MYO9B: variants seen among roughly 807,000 people sequenced by gnomAD.
MYO9B encodes myosin IXB, also known as unconventional myosin-IXb.
MYO9B carries 71 observed loss-of-function variants against 229.5 expected under a neutral mutation model. That is an observed-to-expected ratio of 0.31 (90% confidence interval 0.26 to 0.38). The LOEUF (loss-of-function observed/expected upper bound fraction) is 0.38, where lower values mean the gene tolerates loss of function less well. Ranked by LOEUF, MYO9B falls within the 10% of genes least tolerant of loss-of-function variation. MYO9B has a pLI of 1.00. For synonymous variants in MYO9B, 1,185 were observed against 1,235.8 expected, an observed-to-expected ratio of 0.96 and a Z score of 0.86; for missense variants, 2,255 against 2,920.5, an observed-to-expected ratio of 0.77 and a Z score of 5.25.
chr19:17,109,108 C>T (rs1260654875), intron 2 of MYO9B, among the ~76,000 whole-genome samples: 6 of 150,596 alleles, frequency 4.0e-5, no homozygotes, highest in South Asian at 2.1e-4. Flanking sequence ...TCTCTGTCTC[C>T]GGGCTGGAGT....
At chr19:17,203,039 G>T in intron 29 of MYO9B, 108 bp from the exon 30 acceptor site, 1 of 1,357,534 alleles carries the variant, frequency 7.4e-7, no homozygotes, top group South Asian at 1.3e-5. Flanking sequence ...ATACGGAGCC[G>T]TAGTCTTGAA....
intron 2 of MYO9B, among the ~76,000 whole-genome samples, chr19:17,115,899 A>G (rs2057898477): frequency 6.6e-6 from 1 of 151,878 alleles, no homozygotes; most frequent in African/African-American, 2.4e-5. Flanking sequence ...CCATAGACAT[A>G]CATACGTATT....
intron 4 of MYO9B, among the ~76,000 whole-genome samples, chr19:17,153,216 C>T (rs1027621382): frequency 4.0e-5 from 6 of 151,256 alleles, no homozygotes; most frequent in Non-Finnish European, 5.9e-5. Flanking sequence ...CAGAGTCTTG[C>T]TCTGTCACCC....
intron 1 of MYO9B, among the ~76,000 whole-genome samples, chr19:17,100,814 G>T (rs113540019): frequency 6.6e-6 from 1 of 151,984 alleles, no homozygotes; most frequent in Non-Finnish European, 1.5e-5. Flanking sequence ...TGCATTTTTC[G>T]TGGCTCTCCC....
intron 3 of MYO9B, among the ~76,000 whole-genome samples, chr19:17,146,205 G>C (rs62127942): frequency 5.1e-4 from 73 of 142,652 alleles, no homozygotes; most frequent in African/African-American, 1.7e-3. Flanking sequence ...ATGGATGGAT[G>C]GATGGATCGA....
In MYO9B at chr19:17,212,528, AC is replaced by A; in HGVS notation, c.*220del. 2.0e-6 allele frequency: 1 copy of A among 488,886 alleles called. No individual in the cohort carries two copies. The highest frequency in any genetic ancestry group is 3.5e-6 in the Non-Finnish European group (1 of 281,802). The allele number at this position is 488,886 out of a possible 1,614,324, so 30.3% of individuals were successfully genotyped here. Reference sequence around the variant, plus strand: ...CACGCAGCCCCCAAATCATGGACGCACCTGTGGGGAGCACCACATCTCCACC... The same window carrying A: ...CACGCAGCCCCCAAATCATGGACGCACTGTGGGGAGCACCACATCTCCACC... On this transcript the variant is annotated 3_prime_UTR_variant, in exon 40 of 40. Coordinates refer to ENST00000682292, the MANE Select transcript of MYO9B (RefSeq NM_004145.4). This position sits in a 1 kb window ranked among gnomAD's most constrained non-coding sequence, Gnocchi z 5.4.
At chr19:17,205,003 T>C (rs896322863) in intron 30 of MYO9B, among the ~76,000 whole-genome samples, 3 of 151,350 alleles carry the variant, frequency 2.0e-5, no homozygotes, top group African/African-American at 4.9e-5. Flanking sequence ...AATACAAAAT[T>C]AGCCAGGCGT....
At chr19:17,206,191 A>C (rs1394553082) in intron 32 of MYO9B, 39 bp downstream of exon 32, 4 of 1,604,894 alleles carry the variant, frequency 2.5e-6, no homozygotes, top group Non-Finnish European at 3.4e-6. Context: ...GCCAGGCCCC[A>C]GGCACAGCCG....
intron 14 of MYO9B, 22 bp from the exon 15 acceptor site, chr19:17,180,905 C>G: frequency 1.3e-6 from 2 of 1,521,716 alleles, no homozygotes; most frequent in South Asian, 1.2e-5. Context: ...TGTCACTGCG[C>G]CCCCTCCACC....
intron 3 of MYO9B, among the ~76,000 whole-genome samples, chr19:17,152,304 G>A (rs1257050514): frequency 1.3e-5 from 2 of 151,934 alleles, no homozygotes; most frequent in African/African-American, 4.8e-5. Flanking sequence ...CTGTAATCCC[G>A]CACTTTGGGA....
At chr19:17,091,236 G>GTT (rs35521333) in intron 1 of MYO9B, among the ~76,000 whole-genome samples, 6 of 152,020 alleles carry the variant, frequency 3.9e-5, no homozygotes, top group Non-Finnish European at 7.4e-5. Context: ...TTTTTTGTTT[G>GTT]TTTTTTTGAT....
chr19:17,202,434 C>A, intron 28 of MYO9B, 131 bp downstream of exon 28: 1 of 905,134 alleles, frequency 1.1e-6, no homozygotes, highest in Non-Finnish European at 1.7e-6. Context: ...CATACCACAG[C>A]CACTGTGCCA....
At chr19:17,139,902 G>A (rs1420087085) in intron 2 of MYO9B, among the ~76,000 whole-genome samples, 5 of 152,080 alleles carry the variant, frequency 3.3e-5, no homozygotes, top group African/African-American at 1.2e-4. Context: ...TTAGCCGGGT[G>A]TGGTGGTGCA....
chr19:17,105,388 G>GGGAGTCT (rs2057783612), intron 2 of MYO9B, among the ~76,000 whole-genome samples: 2 of 151,786 alleles, frequency 1.3e-5, no homozygotes, highest in South Asian at 4.2e-4. Context: ...CCCCCTACGT[G>GGGAGTCT]GGAGTCTGAG....
At chr19:17,085,876 TTCC>T (rs1021697025) in intron 1 of MYO9B, among the ~76,000 whole-genome samples, 2 of 152,084 alleles carry the variant, frequency 1.3e-5, no homozygotes, top group African/African-American at 4.8e-5. Context: ...ACAAGGGTTT[TTCC>T]TCTGCCCTTC....
Position 17,156,061 on chromosome 19 carries a change from ACTC to A in MYO9B, c.1200-846_1200-844del, listed in dbSNP as rs199678712. 5.0e-3 allele frequency among the ~76,000 whole-genome samples: 741 copies of A among 149,538 alleles called. 2 individuals are homozygous for A. Among genetic ancestry groups the A allele is most frequent in the African/African-American group, 0.018 (717 of 40,728 alleles). On this transcript the variant is annotated intron_variant, in intron 6 of 39. Transcript: ENST00000682292. ...GATGGCACCTCTGAATAGCCAGTGG[ACTC>A]CATCCTGGACAACATAGCCAGTGAC...
rs2073174415 is a variant in MYO9B at position 17,207,359 on chromosome 19, C to T, written c.5624+115C>T. ...TGTAAGAAAAGTCCAGAGCCGAGTG[C>T]AGCGGTTCACACCTGTAATCCTAGC... On this transcript the variant is annotated intron_variant, in intron 35 of 39. Coordinates refer to ENST00000682292, the MANE Select transcript of MYO9B (RefSeq NM_004145.4). The T allele has an allele frequency of 3.6e-6, 5 of 1,376,024 alleles. No individual in the cohort carries two copies. In the East Asian group the frequency reaches 1.3e-4, roughly 35 times the overall value. 85.2% of individuals were successfully genotyped at this position (1,376,024 alleles called of 1,614,324 possible).
At chr19:17,165,084 G>A (rs183760478) in intron 10 of MYO9B, among the ~76,000 whole-genome samples, 1 of 152,168 alleles carries the variant, frequency 6.6e-6, no homozygotes, top group East Asian at 1.9e-4. Flanking sequence ...TGCCCAGGCT[G>A]GTCCTGAACT....
chr19:17,184,765 G>T (rs530868758), intron 16 of MYO9B, 100 bp from the exon 17 acceptor site: 1 of 1,512,106 alleles, frequency 6.6e-7, no homozygotes, highest in African/African-American at 1.4e-5. Context: ...CACTCGCTGC[G>T]GGGACGCTGT....
Sources: allele counts gnomAD v4.1 joint callset (sites outside exome capture counted in the v4.1 genomes callset), GRCh38; gene constraint gnomAD v4.1.1; non-coding constraint Gnocchi (gnomAD v3.1); transcripts MANE v1.5; gene names NCBI Gene and HGNC (gene_info 2026-07-23, HGNC 2026-07-21).